SYNPR: variants seen among roughly 807,000 people sequenced by gnomAD.
The protein encoded by SYNPR is synaptoporin.
Under a neutral mutation model 32.9 loss-of-function variants are expected in SYNPR, and 23 were observed. The ratio of observed to expected loss-of-function variants is 0.70; its 90% confidence interval spans 0.50 to 0.99. The LOEUF is 0.99. SYNPR is among the 50% of genes least tolerant of loss of function. The pLI is 0.00. For missense variants in SYNPR, 318 were observed against 349.3 expected (o/e 0.91, Z 0.71); for synonymous variants, 146 against 135.9 (o/e 1.07, Z -0.52).
chr3:63,444,193 AG>A (rs1379409125), intron 2 of SYNPR: 4 of 152,158 alleles, frequency 2.6e-5, no homozygotes, highest in South Asian at 4.1e-4. Context: ...TCAGGAGAAA[AG>A]TTGCTGTTAT....
intron 2 of SYNPR, among the ~76,000 whole-genome samples, chr3:63,413,292 G>T (rs1266355337): frequency 1.3e-5 from 2 of 152,070 alleles, no homozygotes; most frequent in Non-Finnish European, 2.9e-5. Flanking sequence ...ACCATGTTTT[G>T]ACTATAGCTG....
At chr3:63,203,048 A>G in the SYNPR span, among the ~76,000 whole-genome samples, 3 of 75,914 alleles carry the variant, frequency 4.0e-5, no homozygotes, top group African/African-American at 5.9e-5. Flanking sequence ...ATAAATATAA[A>G]TACATATATA....
intron 2 of SYNPR, among the ~76,000 whole-genome samples, chr3:63,349,380 G>A (rs1364914181): frequency 8.5e-5 from 13 of 152,252 alleles, no homozygotes; most frequent in Admixed American, 3.9e-4. Flanking sequence ...AATTACAGGC[G>A]CGAGCCACCG....
rs370266429 is a variant in SYNPR at position 63,400,548 on chromosome 3, T to C, written c.85-80284T>C. The stretch of plus-strand genomic sequence containing the variant: ...CCTCAAAACATGGCAGCTGATATTC[T>C]ACACAGCAAGAAACTTCCCAGGAGA... On this transcript the variant is annotated intron_variant, in intron 2 of 5. Transcript: ENST00000478300. 2.1e-4 allele frequency among the ~76,000 whole-genome samples: 32 copies of C among 152,348 alleles called. No homozygotes were observed. The East Asian group carries it at 4.1e-3, about 19-fold the overall frequency.
At chr3:63,609,543 C>A (rs1025793307) in intron 5 of SYNPR, among the ~76,000 whole-genome samples, 1 of 152,238 alleles carries the variant, frequency 6.6e-6, no homozygotes, top group Admixed American at 6.5e-5. Context: ...TTCTTAAGAA[C>A]CCCGCAGGTA....
chr3:63,426,076 T>G (rs1391161514), intron 2 of SYNPR, among the ~76,000 whole-genome samples: 2 of 152,128 alleles, frequency 1.3e-5, no homozygotes. Context: ...TGAGCCACAA[T>G]GCCCCGCCAG....
chr3:63,578,061 A>T (rs1202370348), intron 4 of SYNPR, among the ~76,000 whole-genome samples: 1 of 152,180 alleles, frequency 6.6e-6, no homozygotes, highest in East Asian at 1.9e-4. Context: ...TATGTCATTT[A>T]AAAGTCACAG....
chr3:63,390,827 G>A (rs1172007898), intron 2 of SYNPR, among the ~76,000 whole-genome samples: 1 of 152,168 alleles, frequency 6.6e-6, no homozygotes, highest in African/African-American at 2.4e-5. Flanking sequence ...CCTGGAAGTT[G>A]TCTCTGCTTT....
At chr3:63,277,194 A>G (rs1278837376), upstream of SYNPR, among the ~76,000 whole-genome samples, 1 of 152,154 alleles carries the variant, frequency 6.6e-6, no homozygotes, top group Non-Finnish European at 1.5e-5. Context: ...AACCTTGGGC[A>G]GGCCACTATC....
intron 2 of SYNPR, among the ~76,000 whole-genome samples, chr3:63,425,920 T>G (rs1699884299): frequency 6.6e-6 from 1 of 151,888 alleles, no homozygotes; most frequent in Non-Finnish European, 1.5e-5. Context: ...GTAGCTGGGA[T>G]TACAGGCATG....
intron 2 of SYNPR, among the ~76,000 whole-genome samples, chr3:63,264,849 G>C (rs116590631): frequency 6.6e-6 from 1 of 151,974 alleles, no homozygotes; most frequent in Non-Finnish European, 1.5e-5. Context: ...AATTCCAGAC[G>C]CTTATAAAAC....
intron 2 of SYNPR, among the ~76,000 whole-genome samples, chr3:63,374,314 T>G (rs2087856426): frequency 6.6e-6 from 1 of 152,218 alleles, no homozygotes; most frequent in Admixed American, 6.5e-5. Flanking sequence ...GGTTTTGTTT[T>G]TAGTCCTGTT....
intron 2 of SYNPR, among the ~76,000 whole-genome samples, chr3:63,332,524 T>C (rs1211460763): frequency 6.6e-6 from 1 of 152,194 alleles, no homozygotes; most frequent in Non-Finnish European, 1.5e-5. Context: ...TTACTCAGTA[T>C]ATTTATGGAA....
At chr3:63,581,929 G>A (rs1329905942) in intron 4 of SYNPR, among the ~76,000 whole-genome samples, 1 of 152,048 alleles carries the variant, frequency 6.6e-6, no homozygotes, top group Non-Finnish European at 1.5e-5. Context: ...ACTTTAACAG[G>A]TACCATAATT....
chr3:63,566,797 G>A (rs1309345436), intron 4 of SYNPR, among the ~76,000 whole-genome samples: 1 of 152,126 alleles, frequency 6.6e-6, no homozygotes, highest in Non-Finnish European at 1.5e-5. Flanking sequence ...CAGAGTAAAT[G>A]GGTTATTACC....
intron 4 of SYNPR, among the ~76,000 whole-genome samples, chr3:63,591,713 A>T (rs1290441275): frequency 1.5e-5 from 2 of 134,166 alleles, no homozygotes; most frequent in African/African-American, 2.8e-5. Flanking sequence ...AGAACAAAAA[A>T]CCAAACACCG....
chr3:63,327,128 A>G (rs2087176120), intron 2 of SYNPR, among the ~76,000 whole-genome samples: 1 of 152,124 alleles, frequency 6.6e-6, no homozygotes, highest in South Asian at 2.1e-4. Context: ...GGGAGGGGAA[A>G]TAGTTATTGG....
intron 2 of SYNPR, among the ~76,000 whole-genome samples, chr3:63,429,738 G>A (rs886507406): frequency 2.0e-5 from 3 of 152,216 alleles, no homozygotes; most frequent in African/African-American, 7.2e-5. Flanking sequence ...GTGAAGCAGA[G>A]CAGGGTTTCT....
chr3:63,600,273 C>T (rs1482443800), intron 4 of SYNPR, among the ~76,000 whole-genome samples: 1 of 152,192 alleles, frequency 6.6e-6, no homozygotes, highest in Non-Finnish European at 1.5e-5. Context: ...AAAACAGCCA[C>T]CAGTTCTGGA....
Sources: allele counts gnomAD v4.1 joint callset (sites outside exome capture counted in the v4.1 genomes callset), GRCh38; gene constraint gnomAD v4.1.1; transcripts MANE v1.5; gene names NCBI Gene and HGNC (gene_info 2026-07-23, HGNC 2026-07-21).